Variants in RTBDN observed in about 807,000 individuals in gnomAD.
RTBDN encodes retbindin.
A neutral mutation model predicts 21.9 loss-of-function variants in RTBDN; 24 were observed. That is an observed-to-expected ratio of 1.10 (90% confidence interval 0.79 to 1.54). The LOEUF (loss-of-function observed/expected upper bound fraction) is 1.54. Among genes scored for constraint, RTBDN ranks in the 40% most tolerant of loss-of-function variants. The probability of loss-of-function intolerance (pLI) is 0.00; values close to 1 mark genes in which losing one functional copy is unlikely to be tolerated. For synonymous variants in RTBDN, 141 were observed against 125.9 expected (o/e 1.12, Z -0.80); for missense variants, 325 against 315.2 (o/e 1.03, Z -0.23).
At chr19:12,826,966 C>A in intron 4 of RTBDN, 95 bp from the exon 5 acceptor site, 1 of 853,024 alleles carries the variant, frequency 1.2e-6, no homozygotes, top group Non-Finnish European at 1.9e-6. Context: ...TATGCCCCCA[C>A]CTCGGATCCA....
At position 12,827,304 on chromosome 19, in the gene RTBDN, C is replaced by T. The variant is rs138551136; in HGVS notation, c.366-433G>A. ...AAGTACCTGGGACTATAGGTGCGCACCATCATGTCCGATTAATTTTTTTTT... is the reference window on the plus strand; with the variant it reads ...AAGTACCTGGGACTATAGGTGCGCATCATCATGTCCGATTAATTTTTTTTT... On this transcript the variant is annotated intron_variant, in intron 4 of 5. Coordinates refer to ENST00000674343, the MANE Select transcript of RTBDN (RefSeq NM_001270441.2). Among the ~76,000 whole-genome samples, 710 of 150,756 alleles carry T rather than the reference C, an allele frequency of 4.7e-3. 1 individual carries two copies. Among genetic ancestry groups the T allele is most frequent in the African/African-American group, 0.016 (665 of 40,938 alleles).
chr19:12,834,379 G>T lies in RTBDN; in HGVS notation c.-19+110C>A. ...TATTGCCCTAGGGCTCATGCCCCTC[G>T]GGGCCATCGGCGCCGCTGGAGGCGT... On this transcript the variant is annotated intron_variant, in intron 1 of 5. Transcript: ENST00000674343. This position sits in a 1 kb window ranked among gnomAD's most constrained non-coding sequence, Gnocchi z 4.7. 1 of 809,430 alleles carries T rather than the reference G, an allele frequency of 1.2e-6. No homozygotes were observed. The highest frequency in any genetic ancestry group is 2.0e-6 in the Non-Finnish European group (1 of 502,170). 50.1% of individuals were successfully genotyped at this position (809,430 alleles called of 1,614,324 possible).
At chr19:12,826,982 C>T (rs528555994) in intron 4 of RTBDN, 111 bp from the exon 5 acceptor site, 2 of 741,962 alleles carry the variant, frequency 2.7e-6, no homozygotes, top group African/African-American at 1.7e-5. Context: ...ATCCAGGCCC[C>T]GCCTTTTAGA....
rs142299985 is a variant in RTBDN at position 12,833,358 on chromosome 19, G to A, written c.-19+1131C>T. Among the ~76,000 whole-genome samples, 366 of 152,110 alleles carry A rather than the reference G, an allele frequency of 2.4e-3. 3 individuals are homozygous for A. The highest frequency in any genetic ancestry group is 7.8e-3 in the African/African-American group (322 of 41,498). ...TCTGATTGGGGGTATCCTTTACACGGGAATTGTTACTCCTGGGATCTTTCT... is the reference window on the plus strand; with the variant it reads ...TCTGATTGGGGGTATCCTTTACACGAGAATTGTTACTCCTGGGATCTTTCT... On this transcript the variant is annotated intron_variant, in intron 1 of 5. Coordinates refer to ENST00000674343, the MANE Select transcript of RTBDN (RefSeq NM_001270441.2).
intron 5 of RTBDN, chr19:12,826,476 C>T: frequency 8.9e-7 from 1 of 1,123,350 alleles, no homozygotes; most frequent in Non-Finnish European, 1.1e-6. Context: ...GGCGGATCAC[C>T]TGAGGTCAGG....
chr19:12,826,473 C>G lies in RTBDN; in HGVS notation c.462+302G>C, dbSNP rs768680315. 39 of 1,123,134 alleles carry G rather than the reference C, an allele frequency of 3.5e-5. No homozygotes were observed. The South Asian group carries it at 6.2e-4, about 18-fold the overall frequency. The allele number at this position is 1,123,134 out of a possible 1,614,324, so 69.6% of individuals were successfully genotyped here. A position where few individuals can be genotyped will look rare whatever the true frequency, so the allele number is the denominator to read the frequency against. ...CTTTGGGAGGCCGAGGTGGGCGGAT[C>G]ACCTGAGGTCAGGAGTTCGAAACCA... On this transcript the variant is annotated intron_variant, in intron 5 of 5. Coordinates refer to ENST00000674343, the MANE Select transcript of RTBDN (RefSeq NM_001270441.2).
rs1599544761 is a variant in RTBDN, at chr19:12,825,649, T to C, written c.*57A>G. The C allele has an allele frequency of 7.3e-7, 1 of 1,363,712 alleles. No individual in the cohort carries two copies. 84.5% of individuals were successfully genotyped at this position (1,363,712 alleles called of 1,614,324 possible). ...AGGACGAGGGGTGGGGTTCTGGGTG[T>C]CCTGAGGGGCGGGGCTGGGGGAAGG... On this transcript the variant is annotated 3_prime_UTR_variant, in exon 6 of 6. Coordinates refer to ENST00000674343, the MANE Select transcript of RTBDN (RefSeq NM_001270441.2).
intron 2 of RTBDN, 42 bp downstream of exon 2, chr19:12,829,769 G>C (rs753485597): frequency 6.3e-7 from 1 of 1,577,396 alleles, no homozygotes; most frequent in Non-Finnish European, 8.7e-7. Context: ...GTAGGTGTGG[G>C]TTTCTGGGTG....
At chr19:12,829,263 G>A (rs376593158) in intron 2 of RTBDN, among the ~76,000 whole-genome samples, 14 of 151,062 alleles carry the variant, frequency 9.3e-5, no homozygotes, top group South Asian at 6.3e-4. Context: ...GTGCAGTGGC[G>A]TGATCTTGGC....
At chr19:12,828,581 G>A (rs1969415273) in intron 4 of RTBDN, 76 bp downstream of exon 4, 1 of 1,148,792 alleles carries the variant, frequency 8.7e-7, no homozygotes. Context: ...TTACACAGAA[G>A]GCCAAGCAAA....
Position 12,830,226 on chromosome 19 carries a change from A to C in RTBDN, c.-18-229T>G. 1 of 1,293,196 alleles carries C rather than the reference A, an allele frequency of 7.7e-7. No individual in the cohort carries two copies. The highest frequency in any genetic ancestry group is 9.8e-7 in the Non-Finnish European group (1 of 1,016,312). The allele number at this position is 1,293,196 out of a possible 1,614,324, so 80.1% of individuals were successfully genotyped here. On this transcript the variant is annotated intron_variant, in intron 1 of 5. Transcript: ENST00000674343. This position sits in a 1 kb window ranked among gnomAD's most constrained non-coding sequence, Gnocchi z 4.2. ...ATGTCCTCTATGTCCCTTCAGTGCC[A>C]CCCCAACCAAGCTTAGACCACAGTG...
chr19:12,831,209 A>G (rs7252091), intron 1 of RTBDN, among the ~76,000 whole-genome samples: 2,527 of 152,234 alleles, frequency 0.017, 78 homozygotes, highest in African/African-American at 0.056. Flanking sequence ...AAGGTTTTTG[A>G]CCATGAAGGT....
intron 5 of RTBDN, 85 bp downstream of exon 5, chr19:12,826,690 G>T: frequency 9.9e-7 from 1 of 1,010,230 alleles, no homozygotes; most frequent in Non-Finnish European, 1.5e-6. Context: ...ATGAAACTCC[G>T]TCTCAGAAAT....
intron 5 of RTBDN, 56 bp downstream of exon 5, chr19:12,826,719 A>G (rs545920838): frequency 9.1e-7 from 1 of 1,103,322 alleles, no homozygotes; most frequent in South Asian, 1.4e-5. Flanking sequence ...AAATAAATAA[A>G]TAACTTGGTG....
chr19:12,834,666 G>T (rs1256627282), upstream of RTBDN: 1 of 1,539,970 alleles, frequency 6.5e-7, no homozygotes. The surrounding 1 kb of genome is among the most constrained non-coding windows in gnomAD (Gnocchi z 4.7). Context: ...CTTAGAAGAT[G>T]CTGGTCTCGA....
Position 12,829,791 on chromosome 19 carries a change from G to A in RTBDN, c.169+20C>T, listed in dbSNP as rs1472080204. ...TGGGTTTCTGGGTGTTGGTGGTGAGGCAGGGTCTGGGGTGCTCACCTGCCA... is the reference window on the plus strand; with the variant it reads ...TGGGTTTCTGGGTGTTGGTGGTGAGACAGGGTCTGGGGTGCTCACCTGCCA... On this transcript the variant is annotated intron_variant, in intron 2 of 5. Coordinates refer to ENST00000674343, the MANE Select transcript of RTBDN (RefSeq NM_001270441.2). 1 of 1,589,364 alleles carries A rather than the reference G, an allele frequency of 6.3e-7. No homozygotes were observed. The highest frequency in any genetic ancestry group is 1.7e-5 in the Admixed American group (1 of 59,112).
chr19:12,826,917 T>TA (rs1346626909), intron 4 of RTBDN, 46 bp from the exon 5 acceptor site: 1 of 1,333,856 alleles, frequency 7.5e-7, no homozygotes, highest in Admixed American at 2.0e-5. Context: ...TGTAGTTACA[T>TA]TCCAGCGCGA....
At chr19:12,835,266 A>G (rs1269349818), upstream of RTBDN, 4 of 661,122 alleles carry the variant, frequency 6.1e-6, no homozygotes, top group Non-Finnish European at 1.1e-5. Flanking sequence ...CAGAGCCCAG[A>G]TGGCCCGATC....
chr19:12,828,955 TG>T lies in RTBDN; in HGVS notation c.170-3del. On this transcript the variant is annotated splice_region_variant and splice_polypyrimidine_tract_variant and intron_variant, in intron 2 of 5. Coordinates refer to ENST00000674343, the MANE Select transcript of RTBDN (RefSeq NM_001270441.2). ...CCATCTCTGAGGGACAACAAGGTCCTGGCAAAGGGGAACCCTGTGAGCTAGG... is the reference window on the plus strand; with the variant it reads ...CCATCTCTGAGGGACAACAAGGTCCTGCAAAGGGGAACCCTGTGAGCTAGG... 4.3e-6 allele frequency: 7 copies of T among 1,614,132 alleles called. No individual in the cohort carries two copies. Among genetic ancestry groups the T allele is most frequent in the Non-Finnish European group, 5.9e-6 (7 of 1,180,010 alleles).
Sources: allele counts gnomAD v4.1 joint callset (sites outside exome capture counted in the v4.1 genomes callset), GRCh38; gene constraint gnomAD v4.1.1; non-coding constraint Gnocchi (gnomAD v3.1); transcripts MANE v1.5; gene names NCBI Gene and HGNC (gene_info 2026-07-23, HGNC 2026-07-21).